Variants in DHRS7B observed in about 807,000 individuals in gnomAD.
DHRS7B encodes the protein dehydrogenase/reductase 7B, also known as peroxisomal reductase activating PPAR-gamma.
Under a neutral mutation model 26.4 loss-of-function variants are expected in DHRS7B, and 24 were observed. The observed-to-expected ratio is 0.91, with a 90% CI of 0.66 to 1.28. The LOEUF (loss-of-function observed/expected upper bound fraction) is 1.28, where lower values mean the gene tolerates loss of function less well. Ranked by LOEUF, DHRS7B falls within the 50% of genes most tolerant of loss-of-function variation. DHRS7B has a pLI of 0.00. For synonymous variants in DHRS7B, 142 were observed against 166.4 expected, an observed-to-expected ratio of 0.85 and a Z score of 1.13; for missense variants, 368 against 419.4, an observed-to-expected ratio of 0.88 and a Z score of 1.07.
chr17:21,191,164 A>G lies in DHRS7B; in HGVS notation c.*11A>G, dbSNP rs1974772913. The G allele has an allele frequency of 6.2e-7, 1 of 1,612,500 alleles. No individual in the cohort carries two copies. Among genetic ancestry groups the G allele is most frequent in the African/African-American group, 1.3e-5 (1 of 75,010 alleles). ...TCCAAGAACTCCTAGTACTCTGACC[A>G]GCCAGGGCCAGGGCAGAGAAGCAGC... On this transcript the variant is annotated 3_prime_UTR_variant, in exon 7 of 7. Coordinates refer to ENST00000395511, the MANE Select transcript of DHRS7B (RefSeq NM_015510.5).
chr17:21,151,512 CA>C (rs34419163), intron 1 of DHRS7B, among the ~76,000 whole-genome samples: 84,951 of 117,268 alleles, frequency 0.72, 28,788 homozygotes, highest in Non-Finnish European at 0.77. Context: ...GACTCTGTCT[CA>C]AAAAAAAAAA....
intron 1 of DHRS7B, among the ~76,000 whole-genome samples, chr17:21,141,151 G>C (rs1973498328): frequency 6.6e-6 from 1 of 152,154 alleles, no homozygotes; most frequent in East Asian, 1.9e-4. Context: ...TTCCCTGCAA[G>C]CCTGCTGCAT....
chr17:21,148,523 C>T (rs1046738913), intron 1 of DHRS7B, among the ~76,000 whole-genome samples: 4 of 152,020 alleles, frequency 2.6e-5, no homozygotes, highest in African/African-American at 9.7e-5. Flanking sequence ...GAGGATGGAT[C>T]ACTTTAAGTC....
intron 1 of DHRS7B, among the ~76,000 whole-genome samples, chr17:21,132,349 ATAT>A (rs752673709): frequency 4.1e-4 from 46 of 112,160 alleles, no homozygotes; most frequent in African/African-American, 1.6e-3. Flanking sequence ...AAAAAAAAAA[ATAT>A]ATATATATAT....
At chr17:21,171,125 A>G (rs1974236511) in intron 1 of DHRS7B, among the ~76,000 whole-genome samples, 1 of 152,164 alleles carries the variant, frequency 6.6e-6, no homozygotes, top group African/African-American at 2.4e-5. Flanking sequence ...CAGCGACAGC[A>G]CATGGTGCTC....
At position 21,188,895 on chromosome 17, in the gene DHRS7B, A is replaced by G. The variant is rs1389805764; in HGVS notation, c.772+32A>G. On this transcript the variant is annotated intron_variant, in intron 6 of 6. Transcript: ENST00000395511. The stretch of plus-strand genomic sequence containing the variant: ...CCCGGTTTCTCTTTTCTCCTATGAA[A>G]ATCTGTCGGTCAGCCACAGTGAGAC... 2.5e-6 allele frequency: 4 copies of G among 1,613,746 alleles called. 1 individual carries two copies. Among genetic ancestry groups the G allele is most frequent in the East Asian group, 4.5e-5 (2 of 44,888 alleles).
chr17:21,174,364 T>G lies in DHRS7B; in HGVS notation c.199+2168T>G, dbSNP rs142332695. Among the ~76,000 whole-genome samples the G allele has an allele frequency of 6.6e-5, 10 of 152,348 alleles. No homozygotes were observed. The East Asian group carries it at 1.9e-3, about 29-fold the overall frequency. ...GACCACTGACTAAAGGAACAGAACGTTCTGGATATCTCCTTCCTCCAGCTT... is the reference window on the plus strand; with the variant it reads ...GACCACTGACTAAAGGAACAGAACGGTCTGGATATCTCCTTCCTCCAGCTT... On this transcript the variant is annotated intron_variant, in intron 2 of 6. Transcript: ENST00000395511.
At chr17:21,189,843 A>T (rs1974737142) in intron 6 of DHRS7B, among the ~76,000 whole-genome samples, 1 of 152,250 alleles carries the variant, frequency 6.6e-6, no homozygotes. Flanking sequence ...GACATTGGTG[A>T]GGGAGCTCAG....
At chr17:21,142,425 A>G (rs1024894755) in intron 1 of DHRS7B, among the ~76,000 whole-genome samples, 1 of 152,240 alleles carries the variant, frequency 6.6e-6, no homozygotes. Flanking sequence ...ACCTGTCTTT[A>G]GTTTCGCTTC....
chr17:21,182,220 T>C (rs143112204), intron 3 of DHRS7B, among the ~76,000 whole-genome samples: 3 of 152,302 alleles, frequency 2.0e-5, no homozygotes, highest in African/African-American at 7.2e-5. Context: ...TCTATTAATG[T>C]GATATATTAT....
intron 3 of DHRS7B, among the ~76,000 whole-genome samples, chr17:21,182,730 C>G (rs993547856): frequency 2.0e-5 from 3 of 152,148 alleles, no homozygotes; most frequent in African/African-American, 4.8e-5. Context: ...GCTTGCATTC[C>G]TAGGATAAAT....
intron 3 of DHRS7B, among the ~76,000 whole-genome samples, chr17:21,179,031 A>C (rs1457754122): frequency 6.6e-6 from 1 of 152,100 alleles, no homozygotes; most frequent in African/African-American, 2.4e-5. Context: ...TGCAGCCTTG[A>C]ACTCCTGGGC....
At chr17:21,184,606 A>C in intron 5 of DHRS7B, 143 bp downstream of exon 5, 1 of 803,982 alleles carries the variant, frequency 1.2e-6, no homozygotes, top group South Asian at 1.8e-5. Flanking sequence ...TGTTCTCCAG[A>C]GCCACATGCC....
intron 1 of DHRS7B, among the ~76,000 whole-genome samples, chr17:21,162,850 G>A (rs1020527159): frequency 1.3e-5 from 2 of 152,078 alleles, no homozygotes; most frequent in African/African-American, 4.8e-5. Flanking sequence ...CTATAATGAA[G>A]GCTCTTAAAA....
chr17:21,178,803 T>G (rs1974448725), intron 3 of DHRS7B, among the ~76,000 whole-genome samples: 3 of 151,318 alleles, frequency 2.0e-5, no homozygotes, highest in Non-Finnish European at 4.4e-5. Context: ...GGATTACAGG[T>G]GCACACCACC....
intron 1 of DHRS7B, among the ~76,000 whole-genome samples, chr17:21,145,854 G>C (rs1444444702): frequency 6.6e-6 from 1 of 152,182 alleles, no homozygotes; most frequent in Non-Finnish European, 1.5e-5. Flanking sequence ...AGTAGGTTAG[G>C]TGTATTAAAT....
At chr17:21,160,528 C>T (rs1446865722) in intron 1 of DHRS7B, among the ~76,000 whole-genome samples, 1 of 152,054 alleles carries the variant, frequency 6.6e-6, no homozygotes, top group Non-Finnish European at 1.5e-5. Context: ...CAGTGAGATA[C>T]CACCACTAAA....
chr17:21,176,776 G>C (rs1352356060), intron 2 of DHRS7B, among the ~76,000 whole-genome samples: 1 of 151,962 alleles, frequency 6.6e-6, no homozygotes, highest in African/African-American at 2.4e-5. Context: ...GTGTTTGATA[G>C]ATAAAAAGCA....
intron 2 of DHRS7B, among the ~76,000 whole-genome samples, chr17:21,177,587 C>T (rs1974410867): frequency 6.6e-6 from 1 of 152,194 alleles, no homozygotes; most frequent in Non-Finnish European, 1.5e-5. Flanking sequence ...CTTAATAGTC[C>T]TGCGTGTGGC....
Sources: allele counts gnomAD v4.1 joint callset (sites outside exome capture counted in the v4.1 genomes callset), GRCh38; gene constraint gnomAD v4.1.1; transcripts MANE v1.5; gene names NCBI Gene and HGNC (gene_info 2026-07-23, HGNC 2026-07-21).